Variants in MARK3 observed in about 807,000 individuals in gnomAD.
MARK3 encodes MAP/microtubule affinity-regulating kinase 3.
Under a neutral mutation model 90.1 loss-of-function variants are expected in MARK3, and 46 were observed. The ratio of observed to expected loss-of-function variants is 0.51; its 90% confidence interval spans 0.40 to 0.65. The LOEUF (loss-of-function observed/expected upper bound fraction) is 0.65, where lower values mean the gene tolerates loss of function less well. MARK3 is among the 30% of genes least tolerant of loss of function. MARK3 has a pLI of 0.00. For synonymous variants in MARK3, 321 were observed against 332.6 expected, an observed-to-expected ratio of 0.97 and a Z score of 0.38; for missense variants, 818 against 947.2, an observed-to-expected ratio of 0.86 and a Z score of 1.79.
intron 2 of MARK3, among the ~76,000 whole-genome samples, chr14:103,419,164 C>T (rs897986710): frequency 7.9e-5 from 12 of 152,068 alleles, no homozygotes; most frequent in Admixed American, 7.2e-4. Context: ...TGGTGGCGGG[C>T]GCCTGTAGTC....
intron 6 of MARK3, chr14:103,458,800 G>A (rs1335057131): frequency 1.4e-6 from 1 of 691,916 alleles, no homozygotes; most frequent in Non-Finnish European, 2.6e-6. Context: ...ACATTTGTAA[G>A]TGATAGGACT....
chr14:103,386,444 A>G (rs1462617387), intron 1 of MARK3: 2 of 563,316 alleles, frequency 3.6e-6, no homozygotes, highest in Non-Finnish European at 6.8e-6. Flanking sequence ...CTCTGCTTTT[A>G]ACTTGGTCAG....
At position 103,414,570 on chromosome 14, in the gene MARK3, G is replaced by A. The variant is rs369462586; in HGVS notation, c.243+9303G>A. On this transcript the variant is annotated intron_variant, in intron 2 of 17. Transcript: ENST00000429436. ...CGTTCTCTTGCCCTGTGATGGGAACGTGATGTATCTTGCCTATTGAAGAAC... is the reference window on the plus strand; with the variant it reads ...CGTTCTCTTGCCCTGTGATGGGAACATGATGTATCTTGCCTATTGAAGAAC... Among the ~76,000 whole-genome samples, 22 of 152,314 alleles carry A rather than the reference G, an allele frequency of 1.4e-4. No individual in the cohort carries two copies. The East Asian group carries it at 2.9e-3, about 20-fold the overall frequency.
rs759932678 is a variant in MARK3, at chr14:103,468,314, C to CTTT, written c.1264+154_1264+156dup. 116 of 116,136 alleles carry CTTT rather than the reference C, an allele frequency of 1.0e-3. 2 individuals are homozygous for CTTT. Among genetic ancestry groups the CTTT allele is most frequent in the African/African-American group, 4.0e-3 (71 of 17,574 alleles). 7.2% of individuals were successfully genotyped at this position (116,136 alleles called of 1,614,324 possible). A position where few individuals can be genotyped will look rare whatever the true frequency, so the allele number is the denominator to read the frequency against. ...CTTGGCATTGCTTTCTTTCTTTCTT[C>CTTT]TTTTTTTTTTTTTTTTTTTTTTTTT... On this transcript the variant is annotated intron_variant, in intron 12 of 17. Transcript: ENST00000429436.
At chr14:103,420,002 C>T (rs2092138702) in intron 2 of MARK3, among the ~76,000 whole-genome samples, 2 of 151,744 alleles carry the variant, frequency 1.3e-5, no homozygotes. Flanking sequence ...GAAAAAGAAA[C>T]AGAAACTTTT....
chr14:103,402,369 A>T (rs1398752932), intron 1 of MARK3, among the ~76,000 whole-genome samples: 1 of 152,106 alleles, frequency 6.6e-6, no homozygotes, highest in Non-Finnish European at 1.5e-5. Context: ...CCTGGCCAAC[A>T]TAGTGAAACC....
intron 2 of MARK3, among the ~76,000 whole-genome samples, chr14:103,416,189 A>G (rs2140903715): frequency 6.6e-6 from 1 of 152,372 alleles, no homozygotes; most frequent in African/African-American, 2.4e-5. Flanking sequence ...ATTTTGCAGT[A>G]CTCACACATA....
chr14:103,495,851 T>C (rs2075309487), intron 15 of MARK3, among the ~76,000 whole-genome samples: 1 of 152,228 alleles, frequency 6.6e-6, no homozygotes, highest in South Asian at 2.1e-4. Context: ...AAAGTTCTTA[T>C]CCTCCTTTAG....
At chr14:103,413,825 T>G (rs543607256) in intron 2 of MARK3, among the ~76,000 whole-genome samples, 73 of 152,248 alleles carry the variant, frequency 4.8e-4, no homozygotes, top group African/African-American at 1.6e-3. Context: ...GAAACTGGCT[T>G]CTTCTCACTC....
At position 103,450,875 on chromosome 14, in the gene MARK3, AGTGTGTGTGTGTGTGTGT is replaced by A. The variant is rs61183226; in HGVS notation, c.347-1018_347-1001del. Among the ~76,000 whole-genome samples, 1,029 of 114,864 alleles carry A rather than the reference AGTGTGTGTGTGTGTGTGT, an allele frequency of 9.0e-3. 21 individuals carry two copies. The highest frequency in any genetic ancestry group is 0.028 in the African/African-American group (863 of 30,538). 75.4% of individuals were successfully genotyped at this position (114,864 alleles called of 152,430 possible). On this transcript the variant is annotated intron_variant, in intron 4 of 17. Transcript: ENST00000429436. Reference sequence around the variant, plus strand: ...GGATTTACTCCAGTTTCATTTTTAAAGTGTGTGTGTGTGTGTGTGTGTGTGTGTGTGTGTGTGTGTGTA... The same window carrying A: ...GGATTTACTCCAGTTTCATTTTTAAAGTGTGTGTGTGTGTGTGTGTGTGTA...
chr14:103,447,497 A>G (rs1469236101), intron 3 of MARK3, among the ~76,000 whole-genome samples: 1 of 152,090 alleles, frequency 6.6e-6, no homozygotes, highest in African/African-American at 2.4e-5. Flanking sequence ...TGGAGGTTGT[A>G]TCCTGGGTGT....
At chr14:103,392,352 C>G (rs1268833342) in intron 1 of MARK3, among the ~76,000 whole-genome samples, 1 of 152,186 alleles carries the variant, frequency 6.6e-6, no homozygotes, top group Non-Finnish European at 1.5e-5. Flanking sequence ...AACTCTCAAA[C>G]TTAAGCAAAC....
In MARK3 at chr14:103,492,043, T is replaced by C; in HGVS notation, c.1844+9T>C. 2 of 1,613,278 alleles carry C rather than the reference T, an allele frequency of 1.2e-6. No individual in the cohort carries two copies. Among genetic ancestry groups the C allele is most frequent in the Non-Finnish European group, 1.7e-6 (2 of 1,179,536 alleles). On this transcript the variant is annotated intron_variant, in intron 15 of 17. Coordinates refer to ENST00000429436, the MANE Select transcript of MARK3 (RefSeq NM_001128918.3). The stretch of plus-strand genomic sequence containing the variant: ...TCAAAACTCACAAGGAGGTAAGTGC[T>C]AGGTGCTGGTTGTTTTGGAGTGAAC...
intron 2 of MARK3, among the ~76,000 whole-genome samples, chr14:103,423,768 A>G (rs1258194280): frequency 6.6e-6 from 1 of 152,328 alleles, no homozygotes; most frequent in East Asian, 1.9e-4. Context: ...GTCACATCAA[A>G]TGATGGTGTT....
At chr14:103,428,757 A>G (rs1260561537) in intron 3 of MARK3, among the ~76,000 whole-genome samples, 2 of 152,162 alleles carry the variant, frequency 1.3e-5, no homozygotes, top group African/African-American at 4.8e-5. Flanking sequence ...TTTAAAAATA[A>G]TACAGTACAA....
At chr14:103,486,616 A>G (rs1403448169) in intron 14 of MARK3, among the ~76,000 whole-genome samples, 1 of 151,634 alleles carries the variant, frequency 6.6e-6, no homozygotes, top group Admixed American at 6.6e-5. Flanking sequence ...GGGAAATATT[A>G]TTCGAATTTC....
At chr14:103,412,237 A>T in intron 2 of MARK3, 1 of 777,842 alleles carries the variant, frequency 1.3e-6, no homozygotes, top group Non-Finnish European at 2.1e-6. Flanking sequence ...TGTTATGCAC[A>T]AGCTCATCGT....
chr14:103,472,745 C>T (rs960554566), intron 12 of MARK3, among the ~76,000 whole-genome samples: 2 of 151,354 alleles, frequency 1.3e-5, no homozygotes, highest in Middle Eastern at 3.5e-3. Flanking sequence ...CGGTGGCTCA[C>T]GCCTGTAATC....
In MARK3 at chr14:103,460,619, A is replaced by G. The variant is rs1362801786; in HGVS notation, c.484-1786A>G. Among the ~76,000 whole-genome samples, 4 of 152,206 alleles carry G rather than the reference A, an allele frequency of 2.6e-5. No homozygotes were observed. The East Asian group carries it at 5.8e-4, about 22-fold the overall frequency. On this transcript the variant is annotated intron_variant, in intron 6 of 17. Transcript: ENST00000429436. ...TAGCTTTGAGCTGTTTTGGAGCTAA[A>G]GAGAGAGAGAAATCCTTTGATCTCT...
Sources: gnomAD v4.1 joint callset for allele counts (sites outside exome capture counted in the v4.1 genomes callset) on GRCh38, gnomAD v4.1.1 for gene constraint, MANE v1.5 for transcripts, NCBI Gene and HGNC (gene_info 2026-07-23, HGNC 2026-07-21) for gene names.